The following NCKAP5 variants were observed in gnomAD, a reference collection of about 807,000 sequenced individuals.
NCKAP5 encodes the protein nck-associated protein 5.
A neutral mutation model predicts 167.0 loss-of-function variants in NCKAP5; 92 were observed. That is an observed-to-expected ratio of 0.55 (90% CI 0.47 to 0.66). The LOEUF (loss-of-function observed/expected upper bound fraction) is 0.66, where lower values mean the gene tolerates loss of function less well. NCKAP5 is among the 30% of genes least tolerant of loss of function. The pLI, the probability that NCKAP5 is intolerant of heterozygous loss-of-function variation, is 0.00. For synonymous variants in NCKAP5, 891 were observed against 877.4 expected (o/e 1.02, Z -0.27); for missense variants, 2,378 against 2,315.0 (o/e 1.03, Z -0.56).
intron 3 of NCKAP5, among the ~76,000 whole-genome samples, chr2:133,404,767 G>A (rs935839682): frequency 6.6e-6 from 1 of 152,100 alleles, no homozygotes; most frequent in African/African-American, 2.4e-5. Context: ...TGACTTTTGG[G>A]ATATTCAGGT....
At chr2:133,467,223 T>C (rs1455525171) in intron 3 of NCKAP5, among the ~76,000 whole-genome samples, 13 of 150,436 alleles carry the variant, frequency 8.6e-5, no homozygotes, top group South Asian at 2.1e-4. Flanking sequence ...GCATGAAGGG[T>C]TGTTGAATTT....
intron 3 of NCKAP5, among the ~76,000 whole-genome samples, chr2:133,351,618 C>T (rs930681327): frequency 6.6e-5 from 10 of 152,126 alleles, no homozygotes; most frequent in Admixed American, 3.9e-4. Flanking sequence ...TCCTAAAAGA[C>T]ACACAAGGAG....
At chr2:132,889,039 T>C (rs1019908232) in intron 8 of NCKAP5, among the ~76,000 whole-genome samples, 1 of 152,138 alleles carries the variant, frequency 6.6e-6, no homozygotes, top group African/African-American at 2.4e-5. Context: ...TGAGCTACCA[T>C]GTAGGCAGTC....
intron 3 of NCKAP5, among the ~76,000 whole-genome samples, chr2:133,324,116 T>C (rs1288571874): frequency 6.6e-6 from 1 of 152,170 alleles, no homozygotes; most frequent in Non-Finnish European, 1.5e-5. Context: ...AAGTCTGAGA[T>C]GAAAACTTAA....
the NCKAP5 span, among the ~76,000 whole-genome samples, chr2:133,583,303 G>A: frequency 6.6e-6 from 1 of 152,050 alleles, no homozygotes; most frequent in Non-Finnish European, 1.5e-5. Flanking sequence ...ATCCCTTGGT[G>A]GTGGGTGAGT....
At chr2:133,188,107 G>T (rs1225465117) in intron 5 of NCKAP5, among the ~76,000 whole-genome samples, 2 of 152,056 alleles carry the variant, frequency 1.3e-5, no homozygotes, top group Admixed American at 6.6e-5. Flanking sequence ...TGCAGTTGCT[G>T]GTACTGGTTG....
chr2:133,150,689 G>A (rs771473861), intron 5 of NCKAP5, among the ~76,000 whole-genome samples: 1 of 152,104 alleles, frequency 6.6e-6, no homozygotes, highest in South Asian at 2.1e-4. Flanking sequence ...AACCATCTGG[G>A]AGTATCTGAT....
At chr2:133,352,654 G>A (rs896888378) in intron 3 of NCKAP5, among the ~76,000 whole-genome samples, 16 of 152,326 alleles carry the variant, frequency 1.1e-4, no homozygotes, top group African/African-American at 3.6e-4. Context: ...GGGATGGGTG[G>A]ACTGAGGGCT....
At chr2:133,622,997 A>G in the NCKAP5 span, among the ~76,000 whole-genome samples, 5 of 152,178 alleles carry the variant, frequency 3.3e-5, no homozygotes, top group East Asian at 5.8e-4. Context: ...AATAAAGCCA[A>G]TTGCTTACAG....
chr2:132,739,448 C>T (rs60533811), intron 16 of NCKAP5, among the ~76,000 whole-genome samples: 6,272 of 152,216 alleles, frequency 0.041, 299 homozygotes, highest in African/African-American at 0.12. Context: ...GCTTGGCTAC[C>T]TGCTTGCTGT....
chr2:133,362,234 G>A (rs569386955), intron 3 of NCKAP5, among the ~76,000 whole-genome samples: 3 of 152,256 alleles, frequency 2.0e-5, no homozygotes, highest in Non-Finnish European at 4.4e-5. Flanking sequence ...CAAGACAAAC[G>A]ATCACCGTGT....
intron 7 of NCKAP5, among the ~76,000 whole-genome samples, chr2:132,967,596 G>A (rs970773068): frequency 4.6e-5 from 7 of 152,082 alleles, no homozygotes; most frequent in Non-Finnish European, 1.0e-4. Context: ...GAAAAGGAGG[G>A]GGAGAGGATG....
At chr2:133,039,663 A>G (rs1205044708) in intron 6 of NCKAP5, among the ~76,000 whole-genome samples, 2 of 152,152 alleles carry the variant, frequency 1.3e-5, no homozygotes, top group Admixed American at 6.5e-5. Flanking sequence ...TTATAATGCT[A>G]TGACATAAAC....
At chr2:132,693,619 CTTTTTT>C in intron 19 of NCKAP5, among the ~76,000 whole-genome samples, 1 of 84,484 alleles carries the variant, frequency 1.2e-5, no homozygotes, top group Admixed American at 1.4e-4. Context: ...CCCACCCCGC[CTTTTTT>C]TTTTTTTTTT....
rs184933621 is a variant in NCKAP5 at position 133,096,665 on chromosome 2, A to T, written c.341+33313T>A. On this transcript the variant is annotated intron_variant, in intron 6 of 19. Transcript: ENST00000409261. Reference sequence around the variant, plus strand: ...TCCTATTTGTGGAACAGTTAAATTTATATTAAGTTGAGTTTATCTTCCATG... The same window carrying T: ...TCCTATTTGTGGAACAGTTAAATTTTTATTAAGTTGAGTTTATCTTCCATG... Among the ~76,000 whole-genome samples, 385 of 152,284 alleles carry T rather than the reference A, an allele frequency of 2.5e-3. 3 individuals are homozygous for T. The highest frequency in any genetic ancestry group is 8.9e-3 in the African/African-American group (371 of 41,556).
intron 15 of NCKAP5, among the ~76,000 whole-genome samples, chr2:132,775,787 A>C (rs935467963): frequency 6.6e-6 from 1 of 152,188 alleles, no homozygotes. Flanking sequence ...ATAGAACAAC[A>C]AGGAAATCAT....
chr2:133,308,616 G>A (rs1464306701), intron 3 of NCKAP5, among the ~76,000 whole-genome samples: 2 of 149,436 alleles, frequency 1.3e-5, no homozygotes, highest in African/African-American at 4.9e-5. Context: ...AAAAGACTGG[G>A]TATGTCTTAT....
intron 4 of NCKAP5, among the ~76,000 whole-genome samples, chr2:133,243,079 T>C (rs2087800943): frequency 6.6e-6 from 1 of 151,258 alleles, no homozygotes; most frequent in Non-Finnish European, 1.5e-5. Flanking sequence ...TTAGGGTCCT[T>C]TGAGAAATCC....
chr2:133,307,981 G>C (rs1399188156), intron 3 of NCKAP5, among the ~76,000 whole-genome samples: 1 of 151,620 alleles, frequency 6.6e-6, no homozygotes, highest in Non-Finnish European at 1.5e-5. Context: ...ATCTATTTTT[G>C]TGATGGGCAG....
Sources: allele counts gnomAD v4.1 joint callset (sites outside exome capture counted in the v4.1 genomes callset), GRCh38; gene constraint gnomAD v4.1.1; transcripts MANE v1.5; gene names NCBI Gene and HGNC (gene_info 2026-07-23, HGNC 2026-07-21).